The following VSIR variants were observed in gnomAD, a reference collection of about 807,000 sequenced individuals.
VSIR encodes V-set immunoregulatory receptor.
VSIR carries 10 observed loss-of-function variants against 31.0 expected under a neutral mutation model. The ratio of observed to expected loss-of-function variants is 0.32; its 90% confidence interval spans 0.20 to 0.55. The LOEUF (loss-of-function observed/expected upper bound fraction) is 0.55, where lower values mean the gene tolerates loss of function less well. VSIR is among the 20% of genes least tolerant of loss of function. The probability of loss-of-function intolerance (pLI) is 0.93; values close to 1 mark genes in which losing one functional copy is unlikely to be tolerated. For synonymous variants in VSIR, 179 were observed against 180.1 expected (o/e 0.99, Z 0.05); for missense variants, 356 against 416.2 (o/e 0.86, Z 1.26).
chr10:71,753,511 A>C (rs1180954001), intron 4 of VSIR, among the ~76,000 whole-genome samples: 1 of 152,172 alleles, frequency 6.6e-6, no homozygotes, highest in Non-Finnish European at 1.5e-5. Flanking sequence ...ACATTGCCTA[A>C]TAGGGTGGCA....
intron 3 of VSIR, chr10:71,760,572 TG>T (rs796167779): frequency 8.4e-5 from 26 of 310,634 alleles, no homozygotes; most frequent in African/African-American, 4.9e-4. Flanking sequence ...CTTAGCTGCC[TG>T]GGGCACCCAG....
At chr10:71,753,658 G>A (rs1453899200) in intron 4 of VSIR, among the ~76,000 whole-genome samples, 2 of 152,116 alleles carry the variant, frequency 1.3e-5, no homozygotes, top group African/African-American at 2.4e-5. Context: ...CCCCCAAACT[G>A]GCCACCAATT....
Position 71,773,472 on chromosome 10 carries a change from G to A in VSIR, c.-33C>T, listed in dbSNP as rs1435822389. 2 of 1,564,000 alleles carry A rather than the reference G, an allele frequency of 1.3e-6. No homozygotes were observed. The highest frequency in any genetic ancestry group is 1.4e-5 in the African/African-American group (1 of 73,926). ...TCGGACGCGCAGAGGAACTTCTGGT[G>A]CCGGGGAGCGGGCGGGACGCGGCCG... On this transcript the variant is annotated 5_prime_UTR_variant, in exon 1 of 7. Coordinates refer to ENST00000394957, the MANE Select transcript of VSIR (RefSeq NM_022153.2).
chr10:71,754,980 C>A (rs868771039), intron 4 of VSIR: 4 of 424,470 alleles, frequency 9.4e-6, no homozygotes, highest in Middle Eastern at 3.4e-4. Flanking sequence ...TTTGTCCCAA[C>A]AATTGCTACT....
chr10:71,761,902 G>A lies in VSIR; in HGVS notation c.207C>T (p.Tyr69=). Residue 69 remains tyrosine (Y), a synonymous_variant, in exon 2 of 7, where the codon TAC becomes TAT. Coordinates refer to ENST00000394957, the MANE Select transcript of VSIR (RefSeq NM_022153.2). ...CCCTCGAGCTGCGGTACCACGTCTT[G>A]TAGAAGGTCACATCGTGCCCTTTGT... The part of the protein sequence containing the change: ...PVDKGHDVTF[Y]KTWYRSSRGE... 2 of 1,614,140 alleles carry A rather than the reference G, an allele frequency of 1.2e-6. No homozygotes were observed. The highest frequency in any genetic ancestry group is 2.2e-5 in the East Asian group (1 of 44,878).
intron 1 of VSIR, among the ~76,000 whole-genome samples, chr10:71,770,270 A>G (rs1840656911): frequency 1.3e-5 from 2 of 152,246 alleles, no homozygotes; most frequent in Non-Finnish European, 2.9e-5. Context: ...GGCTCTTCAC[A>G]GTTGCCCTCC....
At chr10:71,766,529 T>TC (rs968231958) in intron 1 of VSIR, among the ~76,000 whole-genome samples, 7 of 152,314 alleles carry the variant, frequency 4.6e-5, no homozygotes, top group Middle Eastern at 3.4e-3. Context: ...CTTGGGCAGA[T>TC]CCCACCCTTC....
In VSIR at chr10:71,750,798, G is replaced by A. The variant is rs953259194; in HGVS notation, c.*455C>T. On this transcript the variant is annotated 3_prime_UTR_variant, in exon 7 of 7. Transcript: ENST00000394957. ...GAAGTCTGACAGAAGAGCAGCCTCG[G>A]GCAAAACGGGGGAGCCAAGGCGGCC... The A allele has an allele frequency of 3.2e-5, 5 of 156,746 alleles. No individual in the cohort carries two copies. The highest frequency in any genetic ancestry group is 3.0e-3 in the Middle Eastern group (1 of 332). The allele number at this position is 156,746 out of a possible 1,614,324, so 9.7% of individuals were successfully genotyped here. A position where few individuals can be genotyped will look rare whatever the true frequency, so the allele number is the denominator to read the frequency against.
At chr10:71,752,858 G>A (rs1840040318) in intron 5 of VSIR, 117 bp downstream of exon 5, 3 of 1,243,364 alleles carry the variant, frequency 2.4e-6, no homozygotes, top group South Asian at 2.9e-5. Context: ...GCAGATGGCA[G>A]AGGCTCTTCT....
chr10:71,761,066 C>A, intron 2 of VSIR, 142 bp from the exon 3 acceptor site: 1 of 771,160 alleles, frequency 1.3e-6, no homozygotes, highest in Admixed American at 2.1e-5. Flanking sequence ...GCAGCCTGCA[C>A]ACGTGTGCAC....
chr10:71,773,413 G>A lies in VSIR; in HGVS notation c.27C>T (p.Ala9=), dbSNP rs1458141269. Residue 9 remains alanine (A), a synonymous_variant, in exon 1 of 7, where the codon GCC becomes GCT. Coordinates refer to ENST00000394957, the MANE Select transcript of VSIR (RefSeq NM_022153.2). MGVPTALE[A]GSWRWGSLLF... is the part of the protein sequence containing the mutation. ...GCAGGGATCCCCAGCGCCAGCTGCC[G>A]GCCTCCAGGGCCGTGGGGACGCCCA... The A allele has an allele frequency of 6.2e-7, 1 of 1,606,602 alleles. No individual in the cohort carries two copies. Among genetic ancestry groups the A allele is most frequent in the East Asian group, 2.2e-5 (1 of 44,588 alleles).
chr10:71,756,586 G>A (rs967515628), intron 3 of VSIR, among the ~76,000 whole-genome samples: 3 of 152,204 alleles, frequency 2.0e-5, no homozygotes, highest in African/African-American at 7.2e-5. Flanking sequence ...CTCCAAAAAG[G>A]TGTACACGAA....
intron 3 of VSIR, among the ~76,000 whole-genome samples, chr10:71,759,938 C>T (rs868574319): frequency 0.025 from 2,737 of 107,856 alleles, 259 homozygotes; most frequent in African/African-American, 0.09. Flanking sequence ...CACATATATA[C>T]ACACACACAT....
intron 1 of VSIR, among the ~76,000 whole-genome samples, chr10:71,767,156 T>C (rs1840567092): frequency 6.6e-6 from 1 of 152,224 alleles, no homozygotes; most frequent in African/African-American, 2.4e-5. Flanking sequence ...AAAGGAGCTC[T>C]TGTTGGCATC....
In VSIR at chr10:71,748,014, C is replaced by A. The variant is rs1455683228; in HGVS notation, c.*3239G>T. 6.6e-6 allele frequency: 1 copy of A among 152,316 alleles called. No homozygotes were observed. The highest frequency in any genetic ancestry group is 1.5e-5 in the Non-Finnish European group (1 of 68,100). 9.4% of individuals were successfully genotyped at this position (152,316 alleles called of 1,614,324 possible). A position where few individuals can be genotyped will look rare whatever the true frequency, so the allele number is the denominator to read the frequency against. On this transcript the variant is annotated 3_prime_UTR_variant, in exon 7 of 7. Transcript: ENST00000394957. ...GGCTGGGCTTCAAGAGGCCTTTGTT[C>A]CCAGCATCCTGGTTAGCAACCCCAG...
At position 71,769,350 on chromosome 10, in the gene VSIR, A is replaced by G. The variant is rs923803750; in HGVS notation, c.82+4008T>C. The stretch of plus-strand genomic sequence containing the variant: ...TTTCCAACTAGAATTCAATACCCTT[A>G]TATGGTTTTCCTGTTACGTTCTTTT... On this transcript the variant is annotated intron_variant, in intron 1 of 6. Coordinates refer to ENST00000394957, the MANE Select transcript of VSIR (RefSeq NM_022153.2). Among the ~76,000 whole-genome samples the G allele has an allele frequency of 5.9e-5, 9 of 152,258 alleles. No individual in the cohort carries two copies. In the East Asian group the frequency reaches 7.7e-4, roughly 13 times the overall value.
chr10:71,766,861 G>T (rs117208264), intron 1 of VSIR, among the ~76,000 whole-genome samples: 1 of 152,164 alleles, frequency 6.6e-6, no homozygotes. Flanking sequence ...GTGGGCAGGC[G>T]GGGCTGATGC....
At chr10:71,762,350 G>C (rs1199857897) in intron 1 of VSIR, among the ~76,000 whole-genome samples, 1 of 152,222 alleles carries the variant, frequency 6.6e-6, no homozygotes, top group Non-Finnish European at 1.5e-5. Flanking sequence ...GTGGGAGGCA[G>C]GTTGGGGAGC....
In VSIR at chr10:71,748,524, A is replaced by G. The variant is rs967219255; in HGVS notation, c.*2729T>C. The G allele has an allele frequency of 2.6e-5, 4 of 152,274 alleles. No homozygotes were observed. The highest frequency in any genetic ancestry group is 9.6e-5 in the African/African-American group (4 of 41,456). The allele number at this position is 152,274 out of a possible 1,614,324, so 9.4% of individuals were successfully genotyped here. On this transcript the variant is annotated 3_prime_UTR_variant, in exon 7 of 7. Transcript: ENST00000394957. ...CTCCCTGGGAGGGAATAAAGGCAGGAAGTCTCTATTAAACTGTGAATGTCA... is the reference window on the plus strand; with the variant it reads ...CTCCCTGGGAGGGAATAAAGGCAGGGAGTCTCTATTAAACTGTGAATGTCA...
Sources: allele counts gnomAD v4.1 joint callset (sites outside exome capture counted in the v4.1 genomes callset), GRCh38; gene constraint gnomAD v4.1.1; transcripts MANE v1.5; gene names NCBI Gene and HGNC (gene_info 2026-07-23, HGNC 2026-07-21).